Variants in CD226 observed in about 807,000 individuals in gnomAD.
CD226 encodes the protein CD226 molecule.
In CD226, 24 loss-of-function variants were observed where a neutral mutation model predicts 34.9. The observed-to-expected ratio is 0.69, with a 90% CI of 0.50 to 0.97. The LOEUF is 0.97. CD226 is among the 50% of genes least tolerant of loss of function. The probability of loss-of-function intolerance (pLI) is 0.00; values close to 1 mark genes in which losing one functional copy is unlikely to be tolerated. For synonymous variants in CD226, 148 were observed against 147.4 expected (o/e 1.00, Z -0.03); for missense variants, 397 against 412.7 (o/e 0.96, Z 0.33).
chr18:69,939,013 G>A (rs893054593), intron 2 of CD226, among the ~76,000 whole-genome samples: 2 of 152,190 alleles, frequency 1.3e-5, no homozygotes, highest in Non-Finnish European at 2.9e-5. Flanking sequence ...TTGAACCCAG[G>A]AGGCAGAGGT....
chr18:69,913,510 T>C (rs2055350740), intron 2 of CD226, among the ~76,000 whole-genome samples: 1 of 152,248 alleles, frequency 6.6e-6, no homozygotes, highest in South Asian at 2.1e-4. Context: ...AAAGCAACTC[T>C]AGAATTTTAT....
intron 2 of CD226, among the ~76,000 whole-genome samples, chr18:69,921,518 C>T (rs2055451223): frequency 6.6e-6 from 1 of 152,164 alleles, no homozygotes; most frequent in Non-Finnish European, 1.5e-5. Context: ...TATAAGAGGG[C>T]ACCACATCTT....
intron 3 of CD226, among the ~76,000 whole-genome samples, chr18:69,874,026 G>GAA (rs148044135): frequency 8.7e-5 from 13 of 148,966 alleles, no homozygotes; most frequent in Non-Finnish European, 1.3e-4. Context: ...CAAAAAATCA[G>GAA]AAAAAAAAAA....
chr18:69,854,420 C>A lies in CD226; in HGVS notation c.*9894G>T, dbSNP rs940580957. ...GGGGCTGTGCTCTTGAGGCACTCCA[C>A]ACATTCAAGGGCTTTTCCAGTAGGA... On this transcript the variant is annotated 3_prime_UTR_variant, in exon 6 of 6. Coordinates refer to ENST00000582621, the MANE Select transcript of CD226 (RefSeq NM_001303618.2). 6.6e-6 allele frequency: 1 copy of A among 152,220 alleles called. No individual in the cohort carries two copies. The highest frequency in any genetic ancestry group is 2.4e-5 in the African/African-American group (1 of 41,444). 9.4% of individuals were successfully genotyped at this position (152,220 alleles called of 1,614,324 possible).
chr18:69,953,678 T>C (rs937054836), intron 1 of CD226, among the ~76,000 whole-genome samples: 12 of 152,188 alleles, frequency 7.9e-5, no homozygotes, highest in Non-Finnish European at 1.6e-4. Context: ...GTGGATGTAC[T>C]AAATACCACT....
intron 3 of CD226, among the ~76,000 whole-genome samples, chr18:69,882,830 A>AC (rs1984342476): frequency 1.3e-5 from 2 of 152,302 alleles, no homozygotes; most frequent in Middle Eastern, 6.8e-3. Flanking sequence ...GGCCCAGCTA[A>AC]CATTTTTTTA....
chr18:69,918,541 G>A (rs2055413468), intron 2 of CD226, among the ~76,000 whole-genome samples: 1 of 152,206 alleles, frequency 6.6e-6, no homozygotes, highest in Admixed American at 6.5e-5. Context: ...TTTGGTGACA[G>A]AGTGGGACTC....
intron 2 of CD226, among the ~76,000 whole-genome samples, chr18:69,913,830 G>T (rs1358340117): frequency 6.6e-6 from 1 of 152,166 alleles, no homozygotes; most frequent in African/African-American, 2.4e-5. Flanking sequence ...TGAAAGATGG[G>T]CTTCAGATGT....
rs1332244675 is a variant in CD226, at chr18:69,853,287, CTTTA to C, written c.*11023_*11026del. ...ATGAGGCAAGTCTGTAGACGTAGGT[CTTTA>C]TTTCACATTAAAATGACTCTCACAC... is the stretch of plus-strand genomic sequence containing the variant. On this transcript the variant is annotated 3_prime_UTR_variant, in exon 6 of 6. Transcript: ENST00000582621. 1.3e-5 allele frequency: 2 copies of C among 152,176 alleles called. No individual in the cohort carries two copies. Among genetic ancestry groups the C allele is most frequent in the Non-Finnish European group, 2.9e-5 (2 of 68,030 alleles). The allele number at this position is 152,176 out of a possible 1,614,324, so 9.4% of individuals were successfully genotyped here.
chr18:69,897,103 C>A (rs1342647127), intron 2 of CD226, among the ~76,000 whole-genome samples: 1 of 152,202 alleles, frequency 6.6e-6, no homozygotes, highest in Non-Finnish European at 1.5e-5. Context: ...CCCCTCTTCA[C>A]TCCAGTTCTC....
At chr18:69,940,188 G>A (rs1342423872) in intron 2 of CD226, among the ~76,000 whole-genome samples, 1 of 152,164 alleles carries the variant, frequency 6.6e-6, no homozygotes, top group Non-Finnish European at 1.5e-5. Context: ...CTTCCACCAT[G>A]ATTGTAAGTT....
At chr18:69,912,173 G>A (rs1203178981) in intron 2 of CD226, among the ~76,000 whole-genome samples, 2 of 152,126 alleles carry the variant, frequency 1.3e-5, no homozygotes, top group East Asian at 1.9e-4. Context: ...AGACTTAAAT[G>A]TTAGACCTAA....
At chr18:69,879,573 C>A (rs2145204808) in intron 3 of CD226, among the ~76,000 whole-genome samples, 1 of 152,230 alleles carries the variant, frequency 6.6e-6, no homozygotes, top group East Asian at 1.9e-4. Flanking sequence ...TTATCCTGTT[C>A]TTAAGGTGCC....
At chr18:69,939,729 T>A (rs953453003) in intron 2 of CD226, among the ~76,000 whole-genome samples, 2 of 152,210 alleles carry the variant, frequency 1.3e-5, no homozygotes, top group Non-Finnish European at 2.9e-5. Flanking sequence ...TGTTTTGGGA[T>A]GAGATTAACA....
Position 69,855,184 on chromosome 18 carries a change from TCATTGGAAC to T in CD226, c.*9121_*9129del, listed in dbSNP as rs1982575216. 1 of 151,712 alleles carries T rather than the reference TCATTGGAAC, an allele frequency of 6.6e-6. No individual in the cohort carries two copies. Among genetic ancestry groups the T allele is most frequent in the Non-Finnish European group, 1.5e-5 (1 of 67,938 alleles). 9.4% of individuals were successfully genotyped at this position (151,712 alleles called of 1,614,324 possible). On this transcript the variant is annotated 3_prime_UTR_variant, in exon 6 of 6. Transcript: ENST00000582621. ...GTCATGGTCTGAAGAGATAAAGCAA[TCATTGGAAC>T]CAGATAGAGACATGACACGTGTCAG...
chr18:69,908,405 A>G (rs1055091062), intron 2 of CD226, among the ~76,000 whole-genome samples: 3 of 152,232 alleles, frequency 2.0e-5, no homozygotes, highest in Non-Finnish European at 2.9e-5. Flanking sequence ...TGGATGATTA[A>G]TAAATACTTG....
upstream of CD226, among the ~76,000 whole-genome samples, chr18:69,951,522 G>C (rs138298155): frequency 3.8e-4 from 57 of 151,764 alleles, no homozygotes; most frequent in African/African-American, 1.4e-3. Context: ...GGGTGGTAGA[G>C]AGAGACAGAA....
At chr18:69,928,473 A>G (rs1261367995) in intron 2 of CD226, among the ~76,000 whole-genome samples, 2 of 152,306 alleles carry the variant, frequency 1.3e-5, no homozygotes, top group Middle Eastern at 6.8e-3. Flanking sequence ...AATATGTTCA[A>G]TGAAAAGGTG....
chr18:69,918,469 A>C (rs2055412612), intron 2 of CD226, among the ~76,000 whole-genome samples: 1 of 152,174 alleles, frequency 6.6e-6, no homozygotes, highest in South Asian at 2.1e-4. Flanking sequence ...GAGGCAGAAG[A>C]ATCACTTGAA....
Sources: gnomAD v4.1 joint callset for allele counts (sites outside exome capture counted in the v4.1 genomes callset) on GRCh38, gnomAD v4.1.1 for gene constraint, MANE v1.5 for transcripts, NCBI Gene and HGNC (gene_info 2026-07-23, HGNC 2026-07-21) for gene names.